BUB1: variants seen among roughly 807,000 people sequenced by gnomAD.
BUB1 encodes BUB1 mitotic checkpoint serine/threonine kinase, also known as mitotic checkpoint serine/threonine-protein kinase BUB1.
A neutral mutation model predicts 135.2 loss-of-function variants in BUB1; 84 were observed. The ratio of observed to expected loss-of-function variants is 0.62; its 90% CI spans 0.52 to 0.74. The LOEUF (loss-of-function observed/expected upper bound fraction) is 0.74. Ranked by LOEUF, BUB1 falls within the 30% of genes least tolerant of loss-of-function variation. The pLI is 0.00. For missense variants in BUB1, 1,162 were observed against 1,288.3 expected, an observed-to-expected ratio of 0.90 and a Z score of 1.50; for synonymous variants, 403 against 434.4, an observed-to-expected ratio of 0.93 and a Z score of 0.90.
At position 110,663,078 on chromosome 2, in the gene BUB1, C is replaced by T. The variant is rs890777925; in HGVS notation, c.958-1237G>A. 4.6e-5 allele frequency among the ~76,000 whole-genome samples: 7 copies of T among 152,044 alleles called. No homozygotes were observed. The South Asian group carries it at 6.2e-4, about 14-fold the overall frequency. ...GGTGGATCACAAGGTCAGGAGTTCA[C>T]GATCAGCCTGGCCAACATAGTGAAA... On this transcript the variant is annotated intron_variant, in intron 9 of 24. Coordinates refer to ENST00000302759, the MANE Select transcript of BUB1 (RefSeq NM_004336.5).
chr2:110,646,350 A>AGAAGGGGAGG (rs1188516007), intron 19 of BUB1, among the ~76,000 whole-genome samples: 1 of 128,682 alleles, frequency 7.8e-6, no homozygotes, highest in East Asian at 2.7e-4. Context: ...CAGAAAGAAA[A>AGAAGGGGAGG]GAAGGGGAGG....
intron 18 of BUB1, among the ~76,000 whole-genome samples, chr2:110,649,759 A>T (rs1229199147): frequency 6.6e-6 from 1 of 152,152 alleles, no homozygotes; most frequent in African/African-American, 2.4e-5. Flanking sequence ...ATATTATTTA[A>T]TTTCTTTTCC....
intron 1 of BUB1, chr2:110,674,931 G>C (rs1690532066): frequency 6.3e-6 from 1 of 159,004 alleles, no homozygotes; most frequent in African/African-American, 2.4e-5. Flanking sequence ...ACCTGCCTTT[G>C]CTTCCCAGGA....
At chr2:110,668,349 T>A (rs1310088000) in intron 6 of BUB1, among the ~76,000 whole-genome samples, 1 of 152,106 alleles carries the variant, frequency 6.6e-6, no homozygotes, top group African/African-American at 2.4e-5. Flanking sequence ...TCAAGACCCA[T>A]CTCTACTGTC....
chr2:110,670,297 C>T (rs1199565194), intron 5 of BUB1, among the ~76,000 whole-genome samples: 1 of 151,970 alleles, frequency 6.6e-6, no homozygotes, highest in Non-Finnish European at 1.5e-5. Flanking sequence ...CACCACCACA[C>T]CTGGCTAATT....
intron 24 of BUB1, among the ~76,000 whole-genome samples, chr2:110,639,290 G>GAGCT (rs1689437323): frequency 6.7e-6 from 1 of 150,216 alleles, no homozygotes; most frequent in Non-Finnish European, 1.5e-5. Flanking sequence ...CTGTGAGAGA[G>GAGCT]AGCTATTCAT....
At chr2:110,655,659 T>A in intron 16 of BUB1, 80 bp downstream of exon 16, 1 of 1,301,824 alleles carries the variant, frequency 7.7e-7, no homozygotes, top group Non-Finnish European at 1.0e-6. Flanking sequence ...TGAAGAAAAC[T>A]ACAAGAATCA....
In BUB1 at chr2:110,655,874, C is replaced by T. The variant is rs113082348; in HGVS notation, c.1741G>A (p.Val581Ile). 4.8e-5 allele frequency: 77 copies of T among 1,613,844 alleles called. 2 individuals carry two copies. The African/African-American group carries it at 7.1e-4, about 15-fold the overall frequency. ...GTTTTGTTGCAGCGAATACCCCATA[C>T]AGTTGAGTCATCCAAAAACTCTTCA... is the stretch of plus-strand genomic sequence containing the variant. Reference protein sequence around the residue: ...HAEEFLDDSTVWGIRCNKTLA... With the variant: ...HAEEFLDDSTIWGIRCNKTLA... The change falls in exon 16 of 25, where the codon GTA becomes ATA. Residue 581 changes from valine (V) to isoleucine (I), a missense_variant. Coordinates refer to ENST00000302759, the MANE Select transcript of BUB1 (RefSeq NM_004336.5).
chr2:110,675,400 A>T (rs551341145), intron 1 of BUB1: 1 of 152,264 alleles, frequency 6.6e-6, no homozygotes, highest in Non-Finnish European at 1.5e-5. Flanking sequence ...CCACGTAGCT[A>T]TCTGAGGGGG....
intron 9 of BUB1, among the ~76,000 whole-genome samples, chr2:110,663,188 G>T (rs951831224): frequency 6.6e-6 from 1 of 152,120 alleles, no homozygotes; most frequent in African/African-American, 2.4e-5. Context: ...GCTGAGGCAG[G>T]AGAATTACTT....
chr2:110,639,660 CTTTTT>C, intron 24 of BUB1, 77 bp downstream of exon 24: 1 of 999,604 alleles, frequency 1.0e-6, no homozygotes. Context: ...GGCAGAGATC[CTTTTT>C]TTTTTTTTGC....
chr2:110,663,650 A>T (rs796994161), intron 9 of BUB1, among the ~76,000 whole-genome samples: 19 of 152,338 alleles, frequency 1.2e-4, no homozygotes, highest in African/African-American at 4.6e-4. Context: ...TTGCTAGACA[A>T]GTTCAGAAAT....
intron 10 of BUB1, chr2:110,660,894 T>C (rs1651430986): frequency 1.3e-5 from 2 of 152,220 alleles, no homozygotes; most frequent in Non-Finnish European, 2.9e-5. Context: ...TTAAGTGCAC[T>C]TGGGGTAGTG....
chr2:110,649,391 GAAA>G lies in BUB1; in HGVS notation c.2204-17_2204-15del, dbSNP rs375788995. On this transcript the variant is annotated splice_polypyrimidine_tract_variant and intron_variant, in intron 18 of 24. Coordinates refer to ENST00000302759, the MANE Select transcript of BUB1 (RefSeq NM_004336.5). ...CAACAATGAAGTCTTAAAGGAATGA[GAAA>G]AAAAAAAAAAAAGGGAACATGAATT... is the stretch of plus-strand genomic sequence containing the variant. 3.4e-4 allele frequency: 379 copies of G among 1,124,414 alleles called. No homozygotes were observed. The highest frequency in any genetic ancestry group is 1.4e-3 in the South Asian group (57 of 42,138). The allele number at this position is 1,124,414 out of a possible 1,614,324, so 69.7% of individuals were successfully genotyped here.
At chr2:110,658,826 T>C (rs1349821612) in intron 11 of BUB1, 84 bp from the exon 12 acceptor site, 14 of 1,519,316 alleles carry the variant, frequency 9.2e-6, no homozygotes, top group South Asian at 5.9e-5. Context: ...TAAGTTACAA[T>C]TAAAACAGTT....
At chr2:110,673,672 C>A (rs1332346769) in intron 3 of BUB1, among the ~76,000 whole-genome samples, 1 of 152,126 alleles carries the variant, frequency 6.6e-6, no homozygotes, top group Non-Finnish European at 1.5e-5. Flanking sequence ...GATCTCGGCT[C>A]ATGGCAACCT....
intron 19 of BUB1, among the ~76,000 whole-genome samples, chr2:110,644,910 A>T (rs969879330): frequency 4.6e-5 from 7 of 152,326 alleles, no homozygotes; most frequent in African/African-American, 1.2e-4. Flanking sequence ...ACTTAAAAAA[A>T]TTTTAAAAGA....
rs753765825 is a variant in BUB1, at chr2:110,661,683, A to C, written c.1116T>G (p.Ala372=). 1 of 1,614,208 alleles carries C rather than the reference A, an allele frequency of 6.2e-7. No homozygotes were observed. Among genetic ancestry groups the C allele is most frequent in the South Asian group, 1.1e-5 (1 of 91,074 alleles). The stretch of plus-strand genomic sequence containing the variant: ...TCTGGCTGGTGGCTGGGGACACCAA[A>C]GCTGCAGAAATAGCATTTGCCAAAG... ...VPPLANAISA[A]LVSPATSQSI... The change falls in exon 10 of 25, where the codon GCT becomes GCG. Residue 372 remains alanine (A), a synonymous_variant. Transcript: ENST00000302759.
In BUB1 at chr2:110,650,433, A is replaced by C. The variant is rs1689753176; in HGVS notation, c.2203+113T>G. On this transcript the variant is annotated intron_variant, in intron 18 of 24. Coordinates refer to ENST00000302759, the MANE Select transcript of BUB1 (RefSeq NM_004336.5). ...ATGCAAGTTTCATCTGAACTCACTG[A>C]CATCTGTTCTACTCAGTGACATTCA... 4 of 920,480 alleles carry C rather than the reference A, an allele frequency of 4.3e-6. No individual in the cohort carries two copies. In the Admixed American group the frequency reaches 6.4e-5, roughly 15 times the overall value. The allele number at this position is 920,480 out of a possible 1,614,324, so 57.0% of individuals were successfully genotyped here. A position where few individuals can be genotyped will look rare whatever the true frequency, so the allele number is the denominator to read the frequency against.
Sources: gnomAD v4.1 joint callset for allele counts (sites outside exome capture counted in the v4.1 genomes callset) on GRCh38, gnomAD v4.1.1 for gene constraint, MANE v1.5 for transcripts, NCBI Gene and HGNC (gene_info 2026-07-23, HGNC 2026-07-21) for gene names.